The following DHX16 variants were observed in gnomAD, a reference collection of about 807,000 sequenced individuals.
DHX16 encodes pre-mRNA-splicing factor ATP-dependent RNA helicase DHX16.
In DHX16, 81 loss-of-function variants were observed where a neutral mutation model predicts 131.2. The observed-to-expected ratio is 0.62, with a 90% CI of 0.52 to 0.74. The LOEUF is 0.74. Among genes scored for constraint, DHX16 ranks in the 30% least tolerant of loss-of-function variants. The pLI is 0.00. For missense variants in DHX16, 980 were observed against 1,363.1 expected (o/e 0.72, Z 4.43); for synonymous variants, 440 against 520.2 (o/e 0.85, Z 2.10).
intron 7 of DHX16, among the ~76,000 whole-genome samples, chr6:30,663,464 G>A (rs949914519): frequency 1.3e-5 from 2 of 152,068 alleles, no homozygotes; most frequent in African/African-American, 4.8e-5. Flanking sequence ...GCTCACACCT[G>A]CAATTCCAGC....
At position 30,664,866 on chromosome 6, in the gene DHX16, G is replaced by C. The variant is rs1332508841; in HGVS notation, c.1252C>G (p.Leu418Val). ...LLAAIANHQV[L>V]IIEGETGSGK... Reference sequence around the variant, plus strand: ...GAGCCTGTCTCGCCTTCAATGATGAGGACTTGGTGATTTGCAATAGCAGCC... The same window carrying C: ...GAGCCTGTCTCGCCTTCAATGATGACGACTTGGTGATTTGCAATAGCAGCC... Residue 418 changes from leucine (L) to valine (V), a missense_variant, in exon 7 of 20, where the codon CTC (leucine) becomes GTC (valine). Physicochemically the swap from Leu to Val is conservative, Grantham distance 32. This residue lies in a region of DHX16 where 457 missense variants were observed against 554.8 expected (regional missense o/e 0.82). Coordinates refer to ENST00000376442, the MANE Select transcript of DHX16 (RefSeq NM_003587.5). 34 of 1,613,070 alleles carry C rather than the reference G, an allele frequency of 2.1e-5. No homozygotes were observed. The highest frequency in any genetic ancestry group is 2.7e-5 in the Non-Finnish European group (32 of 1,180,032).
chr6:30,655,219 C>T lies in DHX16; in HGVS notation c.2779G>A (p.Val927Ile). Residue 927 changes from valine to isoleucine, a missense_variant, in exon 18 of 20, where the codon GTT (valine) becomes ATT (isoleucine). Val to Ile is a conservative substitution (Grantham distance 29). Around this residue, in one of 3 missense-constraint regions of DHX16, gnomAD observed 214 missense variants for 271.2 expected, o/e 0.79. Transcript: ENST00000376442. ...QLEGLLERVE[V>I]GLSSCQGDYI... ...TCCCCCTGGCAGGAACTGAGACCAA[C>T]TTCCACACGTTCCAAGAGCCCTTCC... 6.2e-7 allele frequency: 1 copy of T among 1,614,208 alleles called. No homozygotes were observed. Among genetic ancestry groups the T allele is most frequent in the South Asian group, 1.1e-5 (1 of 91,086 alleles).
At chr6:30,671,547 A>G (rs1769556059) in intron 1 of DHX16, among the ~76,000 whole-genome samples, 1 of 152,028 alleles carries the variant, frequency 6.6e-6, no homozygotes, top group Admixed American at 6.6e-5. Flanking sequence ...AGGTTTCACC[A>G]TGTTGGCCAG....
chr6:30,655,183 C>T lies in DHX16; in HGVS notation c.2815G>A (p.Val939Ile). 6.2e-7 allele frequency: 1 copy of T among 1,614,128 alleles called. No individual in the cohort carries two copies. The highest frequency in any genetic ancestry group is 8.5e-7 in the Non-Finnish European group (1 of 1,180,034). ...GCTGAAGAAATGCTGACCTTGCGTA[C>T]ACGGATATAGTCCCCCTGGCAGGAA... ...LSSCQGDYIR[V>I]RKAITAGYFY... is the part of the protein sequence containing the mutation. The change falls in exon 18 of 20, where the codon GTA becomes ATA. Residue 939 changes from valine to isoleucine, a missense_variant. Val to Ile is a conservative substitution (Grantham distance 29). Transcript: ENST00000376442.
At position 30,657,032 on chromosome 6, in the gene DHX16, G is replaced by C. The variant is rs760659356; in HGVS notation, c.2068C>G (p.Leu690Val). Reference sequence around the variant, plus strand: ...TTCTGCTTACAGAACCCTGGATCCAGCACATAAATGATGCCCTCAATGGTG... The same window carrying C: ...TTCTGCTTACAGAACCCTGGATCCACCACATAAATGATGCCCTCAATGGTG... ...SLTIEGIIYVLDPGFCKQKSY... is the reference protein window; with the variant it reads ...SLTIEGIIYVVDPGFCKQKSY... The change falls in exon 13 of 20, where the codon CTG becomes GTG. Residue 690 changes from leucine to valine, a missense_variant. This residue lies in a region of DHX16 where 309 missense variants were observed against 537.1 expected (regional missense o/e 0.58). Transcript: ENST00000376442. The C allele has an allele frequency of 2.5e-6, 4 of 1,613,044 alleles. No homozygotes were observed. The East Asian group carries it at 8.9e-5, about 36-fold the overall frequency.
chr6:30,656,799 A>G lies in DHX16; in HGVS notation c.2149-40T>C. On this transcript the variant is annotated intron_variant, in intron 13 of 19. Transcript: ENST00000376442. This position sits in a 1 kb window ranked among gnomAD's most constrained non-coding sequence, Gnocchi z 5.1. ...GAACAGGCTGGCTGACAATTTGGTC[A>G]GGGAAAAGAAAAAGGCAGTATTTAT... The G allele has an allele frequency of 6.2e-7, 1 of 1,609,338 alleles. No homozygotes were observed. The highest frequency in any genetic ancestry group is 8.5e-7 in the Non-Finnish European group (1 of 1,179,454).
At chr6:30,654,569 A>C in intron 19 of DHX16, 137 bp downstream of exon 19, 1 of 885,958 alleles carries the variant, frequency 1.1e-6, no homozygotes, top group East Asian at 2.8e-5. Context: ...AAAAAAAAAC[A>C]AAGGATGTCT....
At chr6:30,653,948 A>G (rs1163070848) in intron 19 of DHX16, among the ~76,000 whole-genome samples, 3 of 151,136 alleles carry the variant, frequency 2.0e-5, no homozygotes, top group Non-Finnish European at 4.4e-5. Context: ...GGTGAAACCC[A>G]GTCTCTACTA....
chr6:30,662,774 G>A lies in DHX16; in HGVS notation c.1429-32C>T. The A allele has an allele frequency of 6.2e-7, 1 of 1,600,234 alleles. No homozygotes were observed. The stretch of plus-strand genomic sequence containing the variant: ...AAGGGAACCATTAGCAACCAAGTGT[G>A]GGCTGGTGTGCCCTGAAAGGAACTT... On this transcript the variant is annotated intron_variant, in intron 8 of 19. Coordinates refer to ENST00000376442, the MANE Select transcript of DHX16 (RefSeq NM_003587.5). The surrounding 1 kb of genome is among the most constrained non-coding windows in gnomAD (Gnocchi z 4.7).
intron 7 of DHX16, 99 bp downstream of exon 7, chr6:30,664,702 G>GT: frequency 1.9e-6 from 2 of 1,074,138 alleles, no homozygotes; most frequent in Non-Finnish European, 2.7e-6. Context: ...GAAAAGATAG[G>GT]TAAGTGACTA....
At position 30,655,521 on chromosome 6, in the gene DHX16, C is replaced by T; in HGVS notation, c.2575G>A (p.Asp859Asn). Residue 859 changes from aspartate to asparagine, a missense_variant, in exon 17 of 20, where the codon GAC becomes AAC. By Grantham distance (23) the Asp-to-Asn change is conservative. This residue lies in a region of DHX16 where 214 missense variants were observed against 271.2 expected (regional missense o/e 0.79). Coordinates refer to ENST00000376442, the MANE Select transcript of DHX16 (RefSeq NM_003587.5). The stretch of plus-strand genomic sequence containing the variant: ...GCATTGTCAGCATGGACGACCTTGT[C>T]CTTTGGTCGGTAGAAGATGGAGTTG... The part of the protein sequence containing the change: ...VNNSIFYRPK[D>N]KVVHADNARV... The T allele has an allele frequency of 6.2e-7, 1 of 1,613,086 alleles. No individual in the cohort carries two copies. Among genetic ancestry groups the T allele is most frequent in the Non-Finnish European group, 8.5e-7 (1 of 1,180,034 alleles).
At chr6:30,668,261 A>G (rs1769219261) in intron 4 of DHX16, among the ~76,000 whole-genome samples, 1 of 152,230 alleles carries the variant, frequency 6.6e-6, no homozygotes, top group Non-Finnish European at 1.5e-5. Context: ...TACTACCCAT[A>G]GTATTAACCA....
intron 17 of DHX16, 29 bp from the exon 18 acceptor site, chr6:30,655,365 G>A (rs1767883845): frequency 6.2e-7 from 1 of 1,613,610 alleles, no homozygotes; most frequent in African/African-American, 1.3e-5. Context: ...AGAAAGGAGA[G>A]ATAATTAAGT....
Position 30,656,625 on chromosome 6 carries a change from G to A in DHX16, c.2283C>T (p.Gly761=). ...TVPEIQRTSL[G]NVVLLLKSLG... ...AGCTCTTGAGCAGCAACACGACATTGCCCAAGCTGGTCCTCTGGATCTCAG... is the reference window on the plus strand; with the variant it reads ...AGCTCTTGAGCAGCAACACGACATTACCCAAGCTGGTCCTCTGGATCTCAG... The change falls in exon 14 of 20, where the codon GGC becomes GGT. Residue 761 remains glycine, a synonymous_variant. Coordinates refer to ENST00000376442, the MANE Select transcript of DHX16 (RefSeq NM_003587.5). This position sits in a 1 kb window ranked among gnomAD's most constrained non-coding sequence, Gnocchi z 5.1. 1 of 1,614,140 alleles carries A rather than the reference G, an allele frequency of 6.2e-7. No homozygotes were observed. The highest frequency in any genetic ancestry group is 8.5e-7 in the Non-Finnish European group (1 of 1,180,036).
chr6:30,658,360 T>C (rs1041503642), intron 12 of DHX16, among the ~76,000 whole-genome samples: 1 of 152,046 alleles, frequency 6.6e-6, no homozygotes, highest in Non-Finnish European at 1.5e-5. Flanking sequence ...CTGGCCAAAA[T>C]AGCGAAACCT....
In DHX16 at chr6:30,672,981, A is replaced by G. The variant is rs1443870364; in HGVS notation, c.-140T>C. ...CTTGGGACCTCTAGGATCTTCCGAC[A>G]TCCCAAAGCTGTCTTCCCGTACCGC... On this transcript the variant is annotated 5_prime_UTR_variant, in exon 1 of 20. An upstream start codon of the reference 5' UTR is lost. Coordinates refer to ENST00000376442, the MANE Select transcript of DHX16 (RefSeq NM_003587.5). The G allele has an allele frequency of 5.8e-6, 9 of 1,551,312 alleles. No individual in the cohort carries two copies. Among genetic ancestry groups the G allele is most frequent in the East Asian group, 4.9e-5 (2 of 40,932 alleles).
In DHX16 at chr6:30,667,581, C is replaced by CAAAA. The variant is rs34046923; in HGVS notation, c.667-1852_667-1849dup. Reference sequence around the variant, plus strand: ...TGGGCGACAGAGCGAGACTCTGTCTCAAAAAAAAAAAAAAAAAATCACCAT... The same window carrying CAAAA: ...TGGGCGACAGAGCGAGACTCTGTCTCAAAAAAAAAAAAAAAAAAAAAATCACCAT... On this transcript the variant is annotated intron_variant, in intron 4 of 19. Coordinates refer to ENST00000376442, the MANE Select transcript of DHX16 (RefSeq NM_003587.5). Among the ~76,000 whole-genome samples, 89 of 87,454 alleles carry CAAAA rather than the reference C, an allele frequency of 1.0e-3. 1 individual carries two copies. The highest frequency in any genetic ancestry group is 3.9e-3 in the African/African-American group (87 of 22,458). The allele number at this position is 87,454 out of a possible 152,430, so 57.4% of individuals were successfully genotyped here. A position where few individuals can be genotyped will look rare whatever the true frequency, so the allele number is the denominator to read the frequency against.
In DHX16 at chr6:30,654,607, T is replaced by G. The variant is rs112389293; in HGVS notation, c.2997+99A>C. On this transcript the variant is annotated intron_variant, in intron 19 of 19. Transcript: ENST00000376442. ...CTATTTTACCCTACCTTCCTCTTTC[T>G]GTACCAGTCCCAGCAACTTGAACCT... 302 of 1,215,776 alleles carry G rather than the reference T, an allele frequency of 2.5e-4. 2 individuals carry two copies. The African/African-American group carries it at 2.8e-3, about 11-fold the overall frequency. 75.3% of individuals were successfully genotyped at this position (1,215,776 alleles called of 1,614,324 possible). A position where few individuals can be genotyped will look rare whatever the true frequency, so the allele number is the denominator to read the frequency against.
At chr6:30,658,822 C>G (rs1302551987) in intron 12 of DHX16, among the ~76,000 whole-genome samples, 2 of 152,178 alleles carry the variant, frequency 1.3e-5, no homozygotes, top group African/African-American at 4.8e-5. Context: ...CATGAACCTC[C>G]CACTAAGCCT....
Sources: allele counts gnomAD v4.1 joint callset (sites outside exome capture counted in the v4.1 genomes callset), GRCh38; gene constraint gnomAD v4.1.1; regional missense constraint gnomAD v4.1.1; non-coding constraint Gnocchi (gnomAD v3.1); transcripts MANE v1.5; gene names NCBI Gene and HGNC (gene_info 2026-07-23, HGNC 2026-07-21).